The following ASPH variants were observed in gnomAD, a reference collection of about 807,000 sequenced individuals.
ASPH encodes the protein aspartate beta-hydroxylase, also known as aspartyl/asparaginyl beta-hydroxylase.
In ASPH, 100 loss-of-function variants were observed where a neutral mutation model predicts 118.4. That is an observed-to-expected ratio of 0.84 (90% CI 0.72 to 1.00). The LOEUF (loss-of-function observed/expected upper bound fraction) is 1.00, where lower values mean the gene tolerates loss of function less well. Among genes scored for constraint, ASPH ranks in the 50% least tolerant of loss-of-function variants. The pLI is 0.00. For synonymous variants in ASPH, 315 were observed against 325.6 expected, an observed-to-expected ratio of 0.97 and a Z score of 0.35; for missense variants, 920 against 919.5, an observed-to-expected ratio of 1.00 and a Z score of -0.01.
chr8:61,500,686 A>G lies in ASPH; in HGVS notation c.*2673T>C, dbSNP rs1017662324. 6.6e-6 allele frequency: 1 copy of G among 152,232 alleles called. No homozygotes were observed. The highest frequency in any genetic ancestry group is 1.5e-5 in the Non-Finnish European group (1 of 68,042). The allele number at this position is 152,232 out of a possible 1,614,324, so 9.4% of individuals were successfully genotyped here. A position where few individuals can be genotyped will look rare whatever the true frequency, so the allele number is the denominator to read the frequency against. On this transcript the variant is annotated 3_prime_UTR_variant, in exon 25 of 25. Transcript: ENST00000379454. ...TATCCTTACTTGTGCCATGTTTTCC[A>G]AGACCAGTGCATATTTTTAGACATC...
chr8:61,604,170 TA>T (rs1844910203), intron 14 of ASPH, among the ~76,000 whole-genome samples: 2 of 152,200 alleles, frequency 1.3e-5, no homozygotes, highest in Admixed American at 1.3e-4. Context: ...TGAGTGAGCA[TA>T]TGAATCCTGT....
At chr8:61,553,193 T>C (rs1253710342) in intron 19 of ASPH, 73 bp from the exon 20 acceptor site, 4 of 1,172,096 alleles carry the variant, frequency 3.4e-6, no homozygotes, top group Non-Finnish European at 4.9e-6. Flanking sequence ...TACATAGCTT[T>C]TCTTATGGCA....
intron 24 of ASPH, among the ~76,000 whole-genome samples, chr8:61,505,478 A>C (rs1406953955): frequency 7.3e-6 from 1 of 136,508 alleles, no homozygotes; most frequent in South Asian, 2.5e-4. Context: ...TGAGTGACAG[A>C]GCAAGACTCC....
intron 1 of ASPH, among the ~76,000 whole-genome samples, chr8:61,704,467 C>A (rs1005697062): frequency 6.6e-6 from 1 of 151,558 alleles, no homozygotes; most frequent in Non-Finnish European, 1.5e-5. Flanking sequence ...AGCTTTGAGA[C>A]GTGAGAATGT....
chr8:61,609,791 A>C (rs1014850317), intron 14 of ASPH, among the ~76,000 whole-genome samples: 1 of 152,194 alleles, frequency 6.6e-6, no homozygotes, highest in Non-Finnish European at 1.5e-5. Flanking sequence ...AGACTAAGGT[A>C]ATTTTCAGTA....
intron 14 of ASPH, among the ~76,000 whole-genome samples, chr8:61,590,695 T>C (rs367944983): frequency 1.4e-4 from 21 of 152,252 alleles, no homozygotes; most frequent in African/African-American, 4.8e-4. Flanking sequence ...CTTTTGCCTT[T>C]CACAAATTGG....
chr8:61,541,755 T>C (rs1822061724), intron 21 of ASPH, among the ~76,000 whole-genome samples: 3 of 152,176 alleles, frequency 2.0e-5, no homozygotes, highest in Admixed American at 6.5e-5. Flanking sequence ...GTTGTAACCA[T>C]GAGATGCCAC....
chr8:61,540,218 C>T (rs1018913447), intron 21 of ASPH, among the ~76,000 whole-genome samples: 1 of 152,162 alleles, frequency 6.6e-6, no homozygotes, highest in African/African-American at 2.4e-5. Flanking sequence ...TGTATGTCCC[C>T]ATCCAAATCT....
chr8:61,654,923 G>C (rs1053944670), intron 3 of ASPH, among the ~76,000 whole-genome samples: 1 of 152,134 alleles, frequency 6.6e-6, no homozygotes, highest in Non-Finnish European at 1.5e-5. Flanking sequence ...AGAGATGAAG[G>C]CCTAGTAAAA....
chr8:61,683,517 A>G (rs1386927740), intron 2 of ASPH: 1 of 152,358 alleles, frequency 6.6e-6, no homozygotes, highest in East Asian at 1.9e-4. Flanking sequence ...CACACACACA[A>G]TAATATCTAC....
chr8:61,544,851 A>G (rs1051795110), intron 21 of ASPH, among the ~76,000 whole-genome samples: 2 of 152,232 alleles, frequency 1.3e-5, no homozygotes, highest in African/African-American at 4.8e-5. Context: ...AAGAAAGTAT[A>G]AAGGGCTTTT....
chr8:61,546,295 G>C (rs1437805520), intron 21 of ASPH, among the ~76,000 whole-genome samples: 2 of 152,202 alleles, frequency 1.3e-5, no homozygotes, highest in Non-Finnish European at 2.9e-5. Context: ...ATTTCTTGTT[G>C]TTTAAGCCAG....
At chr8:61,602,595 G>A (rs553698547) in intron 14 of ASPH, among the ~76,000 whole-genome samples, 1 of 151,434 alleles carries the variant, frequency 6.6e-6, no homozygotes, top group Admixed American at 6.6e-5. Flanking sequence ...GGAGGTTCCA[G>A]CCACTGAATC....
At chr8:61,581,652 A>G (rs1486534364) in intron 15 of ASPH, among the ~76,000 whole-genome samples, 1 of 152,122 alleles carries the variant, frequency 6.6e-6, no homozygotes, top group East Asian at 1.9e-4. Context: ...TCTGTTTTCC[A>G]TGTTGTCCCT....
chr8:61,520,280 T>C (rs982573872), intron 22 of ASPH, among the ~76,000 whole-genome samples: 2 of 152,234 alleles, frequency 1.3e-5, no homozygotes, highest in Admixed American at 1.3e-4. Flanking sequence ...CAATGTCATC[T>C]GCTCTAACGG....
At chr8:61,570,754 A>C (rs1397828966) in intron 16 of ASPH, among the ~76,000 whole-genome samples, 3 of 152,212 alleles carry the variant, frequency 2.0e-5, no homozygotes, top group Non-Finnish European at 4.4e-5. Flanking sequence ...TATTTGTTAC[A>C]GGATGTTAAC....
In ASPH at chr8:61,650,765, C is replaced by T. The variant is rs112000707; in HGVS notation, c.490+285G>A. Among the ~76,000 whole-genome samples the T allele has an allele frequency of 2.1e-3, 313 of 152,286 alleles. 4 individuals carry two copies. The highest frequency in any genetic ancestry group is 6.8e-3 in the African/African-American group (282 of 41,544). On this transcript the variant is annotated intron_variant, in intron 5 of 24. Transcript: ENST00000379454. The stretch of plus-strand genomic sequence containing the variant: ...CCCACTTTCCTCCTCTCCATCCTCC[C>T]CTTCTGTTCCTGATGGATCACTGTT...
At chr8:61,684,001 T>C in intron 2 of ASPH, 38 bp downstream of exon 2, 1 of 1,603,964 alleles carries the variant, frequency 6.2e-7, no homozygotes. Flanking sequence ...TGTCACTTAC[T>C]CTCTTACAAA....
chr8:61,687,124 C>T (rs887571077), intron 1 of ASPH, among the ~76,000 whole-genome samples: 7 of 152,006 alleles, frequency 4.6e-5, no homozygotes, highest in Non-Finnish European at 8.8e-5. Context: ...AATGAAATAG[C>T]TAATAAAACA....
Sources: allele counts gnomAD v4.1 joint callset (sites outside exome capture counted in the v4.1 genomes callset), GRCh38; gene constraint gnomAD v4.1.1; transcripts MANE v1.5; gene names NCBI Gene and HGNC (gene_info 2026-07-23, HGNC 2026-07-21).